ACACA: variants seen among roughly 807,000 people sequenced by gnomAD.
The protein encoded by ACACA is acetyl-CoA carboxylase 1.
A neutral mutation model predicts 296.1 loss-of-function variants in ACACA; 103 were observed. The ratio of observed to expected loss-of-function variants is 0.35; its 90% CI spans 0.30 to 0.41. The LOEUF (loss-of-function observed/expected upper bound fraction) is 0.41, where lower values mean the gene tolerates loss of function less well. ACACA is among the 10% of genes least tolerant of loss of function. The probability of loss-of-function intolerance (pLI) is 1.00; values close to 1 mark genes in which losing one functional copy is unlikely to be tolerated. For synonymous variants in ACACA, 953 were observed against 1,038.6 expected, an observed-to-expected ratio of 0.92 and a Z score of 1.58; for missense variants, 1,554 against 2,989.7, an observed-to-expected ratio of 0.52 and a Z score of 11.20.
At chr17:37,316,273 T>C (rs1016011088) in intron 3 of ACACA, among the ~76,000 whole-genome samples, 2 of 149,162 alleles carry the variant, frequency 1.3e-5, no homozygotes, top group Non-Finnish European at 3.0e-5. Flanking sequence ...CTTCTGCACA[T>C]TGTCTACCCT....
chr17:37,111,848 A>C (rs1188779783), intron 51 of ACACA, among the ~76,000 whole-genome samples: 1 of 152,206 alleles, frequency 6.6e-6, no homozygotes, highest in East Asian at 1.9e-4. Flanking sequence ...CCTGGCAAAA[A>C]GCAATTAAAA....
intron 14 of ACACA, among the ~76,000 whole-genome samples, chr17:37,254,871 A>G (rs1044526537): frequency 3.9e-5 from 6 of 151,902 alleles, no homozygotes; most frequent in African/African-American, 1.5e-4. Context: ...ATGTCAGAAA[A>G]AAAAAAAAAA....
intron 41 of ACACA, among the ~76,000 whole-genome samples, chr17:37,165,155 G>C (rs2076616188): frequency 8.8e-6 from 1 of 114,050 alleles, no homozygotes; most frequent in Non-Finnish European, 1.6e-5. Context: ...TACCATTACA[G>C]AATGGAGAGT....
chr17:37,176,833 T>C (rs2077133798), intron 41 of ACACA, among the ~76,000 whole-genome samples: 1 of 152,148 alleles, frequency 6.6e-6, no homozygotes, highest in African/African-American at 2.4e-5. Context: ...TGCAGTGCCC[T>C]ATAATCTAGC....
chr17:37,258,078 T>C (rs972536087), intron 13 of ACACA, 134 bp downstream of exon 13: 2 of 1,228,970 alleles, frequency 1.6e-6, no homozygotes, highest in Admixed American at 2.1e-5. Context: ...ACCATTTACT[T>C]ATCTGCTCTG....
chr17:37,381,916 T>G (rs78170395), intron 1 of ACACA, among the ~76,000 whole-genome samples: 2 of 151,946 alleles, frequency 1.3e-5, no homozygotes, highest in Non-Finnish European at 2.9e-5. Context: ...CGTGAGCCAC[T>G]GCACCCGGCC....
At chr17:37,384,684 A>C (rs1747477924) in intron 1 of ACACA, among the ~76,000 whole-genome samples, 1 of 152,202 alleles carries the variant, frequency 6.6e-6, no homozygotes, top group Non-Finnish European at 1.5e-5. Context: ...ACTATGATGA[A>C]AATGTTCTTG....
chr17:37,267,977 T>C (rs1016890373), intron 10 of ACACA, among the ~76,000 whole-genome samples: 1 of 152,160 alleles, frequency 6.6e-6, no homozygotes, highest in Non-Finnish European at 1.5e-5. Flanking sequence ...GCCAGGCTGG[T>C]CTTGAACCCC....
intron 1 of ACACA, among the ~76,000 whole-genome samples, chr17:37,356,504 G>A (rs748996903): frequency 2.6e-5 from 4 of 152,030 alleles, no homozygotes; most frequent in East Asian, 3.9e-4. Flanking sequence ...TCAGCCTTCC[G>A]AGTAGCTGGG....
chr17:37,091,382 G>C (rs1274102759), intron 54 of ACACA, among the ~76,000 whole-genome samples: 5 of 152,216 alleles, frequency 3.3e-5, no homozygotes, highest in African/African-American at 1.2e-4. Flanking sequence ...AACCCCAGTG[G>C]ATTACAGCCT....
At chr17:37,209,607 C>T (rs1653812051) in intron 30 of ACACA, among the ~76,000 whole-genome samples, 1 of 152,154 alleles carries the variant, frequency 6.6e-6, no homozygotes, top group South Asian at 2.1e-4. Context: ...CTCTCCACAT[C>T]CAAATTGGGA....
intron 35 of ACACA, among the ~76,000 whole-genome samples, chr17:37,197,650 C>G (rs1013724918): frequency 2.6e-5 from 4 of 152,208 alleles, no homozygotes; most frequent in African/African-American, 9.7e-5. Flanking sequence ...CACAGCAGCA[C>G]CACGACAGTG....
At chr17:37,285,949 T>C (rs2082748241) in intron 3 of ACACA, among the ~76,000 whole-genome samples, 1 of 152,162 alleles carries the variant, frequency 6.6e-6, no homozygotes, top group Admixed American at 6.5e-5. Flanking sequence ...TGGAATGCAC[T>C]GGCCAGATCT....
At chr17:37,249,847 T>C (rs1007858471) in intron 16 of ACACA, among the ~76,000 whole-genome samples, 2 of 152,202 alleles carry the variant, frequency 1.3e-5, no homozygotes, top group Non-Finnish European at 2.9e-5. Context: ...CCCATAATTC[T>C]CTTGTGGTGT....
At chr17:37,169,669 G>A (rs1030732515) in intron 41 of ACACA, among the ~76,000 whole-genome samples, 2 of 152,142 alleles carry the variant, frequency 1.3e-5, no homozygotes, top group Non-Finnish European at 2.9e-5. Context: ...TACACAGTGT[G>A]ACAATGTGAT....
At chr17:37,390,306 A>ATATATATATATAT (rs2050792521) in intron 1 of ACACA, among the ~76,000 whole-genome samples, 2 of 29,276 alleles carry the variant, frequency 6.8e-5, no homozygotes, top group African/African-American at 2.6e-4. Flanking sequence ...ATACATAATT[A>ATATATATATATAT]TATATATATA....
In ACACA at chr17:37,171,274, C is replaced by A. The variant is rs745632896; in HGVS notation, c.5079+7986G>T. 7.8e-4 allele frequency among the ~76,000 whole-genome samples: 119 copies of A among 152,226 alleles called. 1 individual carries two copies. The highest frequency in any genetic ancestry group is 1.5e-3 in the Non-Finnish European group (101 of 68,006). ...TGAGCAGCAATACAAAGAATCCAAG[C>A]ATGTTAGCGCTAACCCAGACTTGGG... On this transcript the variant is annotated intron_variant, in intron 41 of 55. Coordinates refer to ENST00000616317, the MANE Select transcript of ACACA (RefSeq NM_198834.3).
intron 41 of ACACA, among the ~76,000 whole-genome samples, chr17:37,178,441 GA>G (rs1290931426): frequency 6.6e-6 from 1 of 152,112 alleles, no homozygotes; most frequent in African/African-American, 2.4e-5. Flanking sequence ...AGAAGACACT[GA>G]AAAATGCATT....
chr17:37,390,137 AAAGTATAT>A, intron 1 of ACACA, among the ~76,000 whole-genome samples: 1 of 32,610 alleles, frequency 3.1e-5, no homozygotes, highest in African/African-American at 2.1e-4. Flanking sequence ...ATTAAAAAAA[AAAGTATAT>A]ATATATATAT....
Sources: gnomAD v4.1 joint callset for allele counts (sites outside exome capture counted in the v4.1 genomes callset) on GRCh38, gnomAD v4.1.1 for gene constraint, MANE v1.5 for transcripts, NCBI Gene and HGNC (gene_info 2026-07-23, HGNC 2026-07-21) for gene names.